The following GPC6 variants were observed in gnomAD, a reference collection of about 807,000 sequenced individuals.
GPC6 encodes the protein glypican 6.
Under a neutral mutation model 55.2 loss-of-function variants are expected in GPC6, and 14 were observed. The observed-to-expected ratio is 0.25, with a 90% CI of 0.17 to 0.40. The LOEUF is 0.40. GPC6 is among the 10% of genes least tolerant of loss of function. GPC6 has a pLI of 1.00. For missense variants in GPC6, 641 were observed against 708.5 expected, an observed-to-expected ratio of 0.90 and a Z score of 1.08; for synonymous variants, 278 against 259.6, an observed-to-expected ratio of 1.07 and a Z score of -0.68.
intron 2 of GPC6, among the ~76,000 whole-genome samples, chr13:93,812,341 G>A (rs923122763): frequency 7.3e-5 from 11 of 151,648 alleles, no homozygotes; most frequent in East Asian, 1.9e-4. Context: ...AGCCGAGGTC[G>A]TGCCACTGCA....
intron 6 of GPC6, among the ~76,000 whole-genome samples, chr13:94,355,618 T>A (rs1878758735): frequency 6.6e-6 from 1 of 152,100 alleles, no homozygotes; most frequent in Non-Finnish European, 1.5e-5. Context: ...TCTAAATGTG[T>A]CTATGAAAAG....
At chr13:93,675,273 G>A (rs1594362221) in intron 2 of GPC6, among the ~76,000 whole-genome samples, 1 of 151,812 alleles carries the variant, frequency 6.6e-6, no homozygotes, top group Middle Eastern at 3.4e-3. Context: ...GATGATGTTT[G>A]GATTTGAGGA....
chr13:93,331,953 C>T (rs1879862605), intron 1 of GPC6, among the ~76,000 whole-genome samples: 1 of 152,146 alleles, frequency 6.6e-6, no homozygotes, highest in African/African-American at 2.4e-5. Context: ...TAAGTGATAA[C>T]ATGCAATATT....
intron 3 of GPC6, among the ~76,000 whole-genome samples, chr13:93,851,366 T>A (rs1003882412): frequency 6.6e-6 from 1 of 151,916 alleles, no homozygotes; most frequent in Non-Finnish European, 1.5e-5. Context: ...GTGTTTGCAG[T>A]GTTCTCTATT....
intron 2 of GPC6, among the ~76,000 whole-genome samples, chr13:93,554,165 G>A (rs1875329498): frequency 6.6e-6 from 1 of 151,314 alleles, no homozygotes; most frequent in South Asian, 2.1e-4. Context: ...AAAAGAGAGA[G>A]AGAGAGCTGA....
chr13:93,560,842 C>T (rs1001705058), intron 2 of GPC6, among the ~76,000 whole-genome samples: 5 of 151,566 alleles, frequency 3.3e-5, no homozygotes, highest in African/African-American at 7.3e-5. Context: ...ATAAAAGCTA[C>T]TTTGATAACA....
chr13:93,391,763 G>T (rs115281776), intron 1 of GPC6, among the ~76,000 whole-genome samples: 1,894 of 152,132 alleles, frequency 0.012, 35 homozygotes, highest in African/African-American at 0.042. Flanking sequence ...ATACTAAGGG[G>T]CACTTATCTT....
intron 3 of GPC6, among the ~76,000 whole-genome samples, chr13:93,906,969 A>G (rs1876703685): frequency 6.6e-6 from 1 of 152,218 alleles, no homozygotes; most frequent in African/African-American, 2.4e-5. Flanking sequence ...TCAAAAATTT[A>G]CATTCAAAGA....
At chr13:94,117,478 T>A (rs1012808443) in intron 4 of GPC6, among the ~76,000 whole-genome samples, 1 of 152,112 alleles carries the variant, frequency 6.6e-6, no homozygotes, top group African/African-American at 2.4e-5. Flanking sequence ...ATTTACAATA[T>A]AGGGCTTAGA....
intron 2 of GPC6, among the ~76,000 whole-genome samples, chr13:93,635,529 C>A (rs1879654810): frequency 6.6e-6 from 1 of 152,086 alleles, no homozygotes; most frequent in Non-Finnish European, 1.5e-5. Flanking sequence ...AGATTTGGAT[C>A]CATACCCAGA....
intron 1 of GPC6, among the ~76,000 whole-genome samples, chr13:93,255,191 T>A (rs531705231): frequency 6.6e-6 from 1 of 152,312 alleles, no homozygotes; most frequent in African/African-American, 2.4e-5. Context: ...CCAGATTTTT[T>A]TCTTCTATTT....
At chr13:93,783,807 G>A (rs1885735071) in intron 2 of GPC6, among the ~76,000 whole-genome samples, 1 of 152,014 alleles carries the variant, frequency 6.6e-6, no homozygotes, top group African/African-American at 2.4e-5. Flanking sequence ...ATGCTTCTGT[G>A]CTTTACTGAT....
At chr13:94,184,905 T>C (rs1237898756) in intron 4 of GPC6, among the ~76,000 whole-genome samples, 1 of 152,158 alleles carries the variant, frequency 6.6e-6, no homozygotes, top group Non-Finnish European at 1.5e-5. Flanking sequence ...TGCTCATCAG[T>C]GATGGACTGG....
intron 4 of GPC6, among the ~76,000 whole-genome samples, chr13:94,175,982 A>AGC (rs1888748055): frequency 1.4e-5 from 2 of 145,550 alleles, no homozygotes; most frequent in Non-Finnish European, 3.0e-5. Flanking sequence ...AGAGAGAGAG[A>AGC]GAGAGAGAGA....
intron 4 of GPC6, among the ~76,000 whole-genome samples, chr13:94,123,594 T>G (rs1278860912): frequency 6.6e-5 from 10 of 152,092 alleles, no homozygotes; most frequent in African/African-American, 2.4e-4. Flanking sequence ...AACATCTTAT[T>G]TATCATTTTT....
the GPC6 span, among the ~76,000 whole-genome samples, chr13:93,218,057 G>C: frequency 6.6e-6 from 1 of 150,608 alleles, no homozygotes; most frequent in African/African-American, 2.4e-5. Flanking sequence ...GCTTGCTTCA[G>C]ACACCTCCCT....
chr13:93,811,234 G>A (rs1045366054), intron 2 of GPC6, among the ~76,000 whole-genome samples: 1 of 152,228 alleles, frequency 6.6e-6, no homozygotes, highest in Non-Finnish European at 1.5e-5. Flanking sequence ...AGAGTCAGGA[G>A]CAATTTATTC....
At chr13:94,396,307 C>T (rs541132840) in intron 7 of GPC6, among the ~76,000 whole-genome samples, 13 of 152,232 alleles carry the variant, frequency 8.5e-5, no homozygotes, top group Non-Finnish European at 1.8e-4. Flanking sequence ...ATTAGAAAAA[C>T]GCACCCAGAT....
At chr13:94,154,712 C>T (rs1887865787) in intron 4 of GPC6, among the ~76,000 whole-genome samples, 1 of 152,126 alleles carries the variant, frequency 6.6e-6, no homozygotes, top group South Asian at 2.1e-4. Flanking sequence ...GCACCAGAAG[C>T]AATGGTATTT....
Sources: gnomAD v4.1 joint callset for allele counts (sites outside exome capture counted in the v4.1 genomes callset) on GRCh38, gnomAD v4.1.1 for gene constraint, MANE v1.5 for transcripts, NCBI Gene and HGNC (gene_info 2026-07-23, HGNC 2026-07-21) for gene names.